The following GPM6A variants were observed in gnomAD, a reference collection of about 807,000 sequenced individuals.
GPM6A encodes glycoprotein M6A, also known as neuronal membrane glycoprotein M6-a.
A neutral mutation model predicts 32.1 loss-of-function variants in GPM6A; 7 were observed. That is an observed-to-expected ratio of 0.22 (90% CI 0.12 to 0.41). The LOEUF (loss-of-function observed/expected upper bound fraction) is 0.41, where lower values mean the gene tolerates loss of function less well. GPM6A is among the 10% of genes least tolerant of loss of function. The pLI, the probability that GPM6A is intolerant of heterozygous loss-of-function variation, is 1.00. For missense variants in GPM6A, 235 were observed against 347.2 expected, an observed-to-expected ratio of 0.68 and a Z score of 2.57; for synonymous variants, 130 against 123.4, an observed-to-expected ratio of 1.05 and a Z score of -0.35.
chr4:175,848,813 T>C (rs1291024083), intron 1 of GPM6A, among the ~76,000 whole-genome samples: 1 of 152,180 alleles, frequency 6.6e-6, no homozygotes, highest in Non-Finnish European at 1.5e-5. Flanking sequence ...GTCTAATAAA[T>C]ACTATTATTG....
At chr4:175,852,114 G>T (rs1736277990) in intron 1 of GPM6A, among the ~76,000 whole-genome samples, 1 of 152,066 alleles carries the variant, frequency 6.6e-6, no homozygotes, top group South Asian at 2.1e-4. Context: ...CATCTTACTA[G>T]CTGTGAAATA....
chr4:175,971,255 CTCTT>C (rs556131307), intron 1 of GPM6A, among the ~76,000 whole-genome samples: 51 of 145,742 alleles, frequency 3.5e-4, no homozygotes, highest in Middle Eastern at 6.8e-3. Context: ...CATTAGTGTT[CTCTT>C]TATCTTCCGT....
chr4:175,673,220 A>G (rs1276954064), intron 3 of GPM6A, among the ~76,000 whole-genome samples: 2 of 152,134 alleles, frequency 1.3e-5, no homozygotes, highest in African/African-American at 4.8e-5. Flanking sequence ...AATATTATAT[A>G]AATTAAAATT....
chr4:175,901,201 A>C (rs1039906362), intron 1 of GPM6A, among the ~76,000 whole-genome samples: 1 of 152,128 alleles, frequency 6.6e-6, no homozygotes, highest in Non-Finnish European at 1.5e-5. Context: ...AAAAAATTAG[A>C]AAGAATGAAA....
intron 1 of GPM6A, among the ~76,000 whole-genome samples, chr4:175,836,813 G>A (rs1025867602): frequency 1.3e-5 from 2 of 152,120 alleles, no homozygotes; most frequent in African/African-American, 4.8e-5. Flanking sequence ...TATGGAACAT[G>A]AGATTAGAAC....
upstream of GPM6A, chr4:175,812,311 T>TTTTTG: frequency 8.7e-7 from 1 of 1,152,058 alleles, no homozygotes; most frequent in Non-Finnish European, 1.1e-6. Flanking sequence ...GTTTTTTTTT[T>TTTTTG]TTTTTTTTTT....
intron 1 of GPM6A, among the ~76,000 whole-genome samples, chr4:175,969,667 T>C (rs997678474): frequency 6.6e-6 from 1 of 152,104 alleles, no homozygotes; most frequent in African/African-American, 2.4e-5. Flanking sequence ...GCAGAGATCA[T>C]GCCACTGCAC....
intron 1 of GPM6A, among the ~76,000 whole-genome samples, chr4:175,761,863 C>T (rs1487591692): frequency 2.0e-5 from 3 of 151,704 alleles, no homozygotes; most frequent in Admixed American, 6.6e-5. Flanking sequence ...GGCATGATCA[C>T]GGCTCACTCC....
At chr4:175,658,311 A>G (rs186349531) in intron 3 of GPM6A, among the ~76,000 whole-genome samples, 1 of 151,844 alleles carries the variant, frequency 6.6e-6, no homozygotes, top group Admixed American at 6.6e-5. Flanking sequence ...AAAAAAAAAA[A>G]CAATCTGAAA....
chr4:175,644,864 TAG>T (rs1301655060), intron 4 of GPM6A, among the ~76,000 whole-genome samples: 1 of 151,720 alleles, frequency 6.6e-6, no homozygotes, highest in Non-Finnish European at 1.5e-5. Context: ...CCCAGCACTT[TAG>T]GAGGATGAGG....
At chr4:175,755,982 G>C (rs1732508389) in intron 1 of GPM6A, among the ~76,000 whole-genome samples, 1 of 152,090 alleles carries the variant, frequency 6.6e-6, no homozygotes, top group East Asian at 1.9e-4. Context: ...GCTTTGTATT[G>C]AGCCTTGAAA....
chr4:175,932,867 C>A (rs1372575023), intron 1 of GPM6A, among the ~76,000 whole-genome samples: 1 of 151,476 alleles, frequency 6.6e-6, no homozygotes, highest in Non-Finnish European at 1.5e-5. Context: ...GGTAAAAATA[C>A]CTAATTAACC....
At chr4:175,781,639 C>T (rs1733619114) in intron 1 of GPM6A, among the ~76,000 whole-genome samples, 1 of 152,168 alleles carries the variant, frequency 6.6e-6, no homozygotes, top group Non-Finnish European at 1.5e-5. Flanking sequence ...CACTTGAAAC[C>T]TTTAACTAGT....
chr4:175,962,564 C>A, intron 1 of GPM6A: 1 of 380,862 alleles, frequency 2.6e-6, no homozygotes, highest in African/African-American at 2.1e-5. Context: ...CTGCAGCCTC[C>A]TGTACTCATT....
intron 3 of GPM6A, among the ~76,000 whole-genome samples, chr4:175,660,991 C>T (rs1387376795): frequency 6.6e-6 from 1 of 151,780 alleles, no homozygotes; most frequent in Non-Finnish European, 1.5e-5. Flanking sequence ...GCTAAGTAAC[C>T]AAAAAAATTA....
intron 1 of GPM6A, among the ~76,000 whole-genome samples, chr4:175,969,819 G>A (rs1366670990): frequency 1.3e-5 from 2 of 152,080 alleles, no homozygotes; most frequent in African/African-American, 2.4e-5. Flanking sequence ...GTGTGTGGAG[G>A]GATGCAGGGT....
intron 1 of GPM6A, among the ~76,000 whole-genome samples, chr4:175,844,277 C>T (rs1736024747): frequency 1.3e-5 from 2 of 152,102 alleles, no homozygotes; most frequent in Admixed American, 6.6e-5. Flanking sequence ...TTTTTCTGAA[C>T]AAAACCCTCA....
intron 1 of GPM6A, among the ~76,000 whole-genome samples, chr4:175,862,375 A>G (rs1346447080): frequency 6.6e-6 from 1 of 152,234 alleles, no homozygotes; most frequent in African/African-American, 2.4e-5. Context: ...TGGATTTTAT[A>G]GAAACTGAAT....
intron 1 of GPM6A, among the ~76,000 whole-genome samples, chr4:175,926,768 T>C (rs981703029): frequency 6.6e-6 from 1 of 152,122 alleles, no homozygotes; most frequent in Non-Finnish European, 1.5e-5. Context: ...TTATTGACAA[T>C]TCAAAAACAT....
Sources: allele counts gnomAD v4.1 joint callset (sites outside exome capture counted in the v4.1 genomes callset), GRCh38; gene constraint gnomAD v4.1.1; transcripts MANE v1.5; gene names NCBI Gene and HGNC (gene_info 2026-07-23, HGNC 2026-07-21).